CALB2: variants seen among roughly 807,000 people sequenced by gnomAD.
CALB2 encodes the protein calbindin 2, also known as calretinin.
A neutral mutation model predicts 45.9 loss-of-function variants in CALB2; 34 were observed. The ratio of observed to expected loss-of-function variants is 0.74; its 90% confidence interval spans 0.56 to 0.99. CALB2 has a LOEUF of 0.99. Ranked by LOEUF, CALB2 falls within the 50% of genes least tolerant of loss-of-function variation. The pLI is 0.00. For missense variants in CALB2, 344 were observed against 339.3 expected, an observed-to-expected ratio of 1.01 and a Z score of -0.11; for synonymous variants, 142 against 129.6, an observed-to-expected ratio of 1.10 and a Z score of -0.65.
intron 10 of CALB2, among the ~76,000 whole-genome samples, chr16:71,389,007 A>G (rs1321111387): frequency 1.3e-5 from 2 of 149,162 alleles, no homozygotes; most frequent in Non-Finnish European, 3.0e-5. Flanking sequence ...CAAAAAAAAA[A>G]AAAAAAAAAA....
intron 10 of CALB2, among the ~76,000 whole-genome samples, chr16:71,387,234 T>C (rs924101782): frequency 6.6e-6 from 1 of 152,242 alleles, no homozygotes; most frequent in African/African-American, 2.4e-5. Flanking sequence ...CTTGTGGTGC[T>C]GCACAGCTTG....
intron 4 of CALB2, among the ~76,000 whole-genome samples, chr16:71,379,605 C>T (rs1006870123): frequency 9.9e-5 from 15 of 152,192 alleles, no homozygotes; most frequent in African/African-American, 3.6e-4. Context: ...TCAACCCATA[C>T]CCACCTCACG....
chr16:71,383,643 G>A (rs2042527297), intron 6 of CALB2, among the ~76,000 whole-genome samples, 199 bp downstream of exon 6: 2 of 152,152 alleles, frequency 1.3e-5, no homozygotes, highest in Admixed American at 1.3e-4. Context: ...TGACTCGTGG[G>A]CCAATGTGAT....
At chr16:71,365,168 C>A (rs1326970451) in intron 1 of CALB2, among the ~76,000 whole-genome samples, 2 of 152,186 alleles carry the variant, frequency 1.3e-5, no homozygotes, top group African/African-American at 2.4e-5. Context: ...TGTTTGCCTT[C>A]GATAAATCTG....
rs546025663 is a variant in CALB2 at position 71,382,863 on chromosome 16, T to A, written c.399+88T>A. On this transcript the variant is annotated intron_variant, in intron 5 of 10. Transcript: ENST00000302628. ...GGGAGGAGATGTTGGATGAGGGGCATGAGTTTGCGGGCTGCTTAGGAATAC... is the reference window on the plus strand; with the variant it reads ...GGGAGGAGATGTTGGATGAGGGGCAAGAGTTTGCGGGCTGCTTAGGAATAC... 3.1e-5 allele frequency: 37 copies of A among 1,210,566 alleles called. No individual in the cohort carries two copies. In the African/African-American group the frequency reaches 5.3e-4, roughly 17 times the overall value. 75.0% of individuals were successfully genotyped at this position (1,210,566 alleles called of 1,614,324 possible).
chr16:71,358,986 C>A, intron 1 of CALB2, 100 bp downstream of exon 1: 1 of 1,038,200 alleles, frequency 9.6e-7, no homozygotes. Flanking sequence ...TACGTTTGCC[C>A]TCAGGAGGTG....
chr16:71,385,455 T>C (rs2042559566), intron 9 of CALB2, 122 bp from the exon 10 acceptor site: 5 of 688,082 alleles, frequency 7.3e-6, no homozygotes, highest in Admixed American at 2.9e-5. Context: ...CATTACACGA[T>C]CTGAACACCC....
chr16:71,379,713 G>A (rs534699297), intron 4 of CALB2, among the ~76,000 whole-genome samples: 1 of 152,274 alleles, frequency 6.6e-6, no homozygotes, highest in South Asian at 2.1e-4. Flanking sequence ...TCCCCTCTCT[G>A]TGATCCACTG....
Position 71,389,754 on chromosome 16 carries a change from G to T in CALB2, c.705G>T (p.Met235Ile). 1 of 1,612,944 alleles carries T rather than the reference G, an allele frequency of 6.2e-7. No individual in the cohort carries two copies. Among genetic ancestry groups the T allele is most frequent in the Non-Finnish European group, 8.5e-7 (1 of 1,179,084 alleles). Residue 235 changes from methionine (M) to isoleucine (I), a missense_variant, in exon 11 of 11, where the codon ATG becomes ATT. By Grantham distance (10) the Met-to-Ile change is conservative. Coordinates refer to ENST00000302628, the MANE Select transcript of CALB2 (RefSeq NM_001740.5). ...KDLYEKNKKE[M>I]NIQQLTNYRK... Reference sequence around the variant, plus strand: ...CCTCTCCCTGTATTTCCTAGGAAATGAATATTCAACAGCTCACCAACTACA... The same window carrying T: ...CCTCTCCCTGTATTTCCTAGGAAATTAATATTCAACAGCTCACCAACTACA...
At chr16:71,376,970 T>A (rs1441664993) in intron 3 of CALB2, among the ~76,000 whole-genome samples, 1 of 152,090 alleles carries the variant, frequency 6.6e-6, no homozygotes, top group Non-Finnish European at 1.5e-5. Flanking sequence ...CAAAACTGGG[T>A]CACGTGCCTA....
chr16:71,389,448 G>T, intron 10 of CALB2: 1 of 527,420 alleles, frequency 1.9e-6, no homozygotes. Context: ...ATTCCCTCAC[G>T]TAATCATCGC....
At chr16:71,359,505 C>A (rs182850716) in intron 1 of CALB2, among the ~76,000 whole-genome samples, 1 of 152,322 alleles carries the variant, frequency 6.6e-6, no homozygotes, top group East Asian at 1.9e-4. Flanking sequence ...GTTGGGGTGC[C>A]AGTCCCAGAC....
Position 71,377,655 on chromosome 16 carries a change from G to A in CALB2, c.262-12G>A, listed in dbSNP as rs766599222. On this transcript the variant is annotated splice_polypyrimidine_tract_variant and intron_variant, in intron 3 of 10. Coordinates refer to ENST00000302628, the MANE Select transcript of CALB2 (RefSeq NM_001740.5). The stretch of plus-strand genomic sequence containing the variant: ...CTCCATAACGTTAGTGTCGCTCTCT[G>A]TATCTTCACAGCTGGCGCAGATCCT... 3.1e-6 allele frequency: 5 copies of A among 1,606,968 alleles called. No individual in the cohort carries two copies. The African/African-American group carries it at 5.3e-5, about 17-fold the overall frequency.
At chr16:71,367,844 G>A (rs959910692) in intron 1 of CALB2, among the ~76,000 whole-genome samples, 5 of 152,082 alleles carry the variant, frequency 3.3e-5, no homozygotes, top group South Asian at 4.2e-4. Flanking sequence ...CTCCTGCCCC[G>A]GGAACCTCCT....
chr16:71,389,881 T>C lies in CALB2; in HGVS notation c.*16T>C. On this transcript the variant is annotated 3_prime_UTR_variant, in exon 11 of 11. Transcript: ENST00000302628. ...CCCCATGTAAAGTGGGGACGGGGGC[T>C]GCTTCTCCACCTCCCCCAAACCCTG... 2 of 1,569,248 alleles carry C rather than the reference T, an allele frequency of 1.3e-6. No individual in the cohort carries two copies. Among genetic ancestry groups the C allele is most frequent in the Non-Finnish European group, 1.8e-6 (2 of 1,141,046 alleles).
intron 1 of CALB2, among the ~76,000 whole-genome samples, chr16:71,364,225 G>A (rs950473472): frequency 7.9e-5 from 12 of 152,222 alleles, no homozygotes; most frequent in Non-Finnish European, 1.2e-4. Context: ...GGGGCTCCCC[G>A]GGGGAGCCCG....
chr16:71,362,527 G>A (rs1360111886), intron 1 of CALB2, among the ~76,000 whole-genome samples: 1 of 152,198 alleles, frequency 6.6e-6, no homozygotes, highest in Non-Finnish European at 1.5e-5. Flanking sequence ...AATTTCAGTG[G>A]GTGGAGGGGA....
At chr16:71,370,969 G>A (rs7196440) in intron 1 of CALB2, among the ~76,000 whole-genome samples, 55,458 of 151,912 alleles carry the variant, frequency 0.37, 10,642 homozygotes, top group Admixed American at 0.5. Context: ...CTGTGACCTC[G>A]GGACCTGGTT....
intron 10 of CALB2, 41 bp downstream of exon 10, chr16:71,385,689 C>T (rs371229176): frequency 4.2e-5 from 65 of 1,565,240 alleles, no homozygotes; most frequent in Non-Finnish European, 5.7e-5. Flanking sequence ...GTCCCCAGGG[C>T]ACAGGAGAGG....
Sources: allele counts gnomAD v4.1 joint callset (sites outside exome capture counted in the v4.1 genomes callset), GRCh38; gene constraint gnomAD v4.1.1; transcripts MANE v1.5; gene names NCBI Gene and HGNC (gene_info 2026-07-23, HGNC 2026-07-21).